The following STXBP5L variants were observed in gnomAD, a reference collection of about 807,000 sequenced individuals.
STXBP5L encodes syntaxin binding protein 5L.
In STXBP5L, 65 loss-of-function variants were observed where a neutral mutation model predicts 144.5. The observed-to-expected ratio is 0.45, with a 90% CI of 0.37 to 0.55. The LOEUF (loss-of-function observed/expected upper bound fraction) is 0.55. STXBP5L is among the 20% of genes least tolerant of loss of function. The pLI is 0.00. For synonymous variants in STXBP5L, 505 were observed against 469.6 expected, an observed-to-expected ratio of 1.08 and a Z score of -0.97; for missense variants, 1,298 against 1,405.5, an observed-to-expected ratio of 0.92 and a Z score of 1.22.
chr3:121,411,358 A>G (rs1344228891), intron 23 of STXBP5L, among the ~76,000 whole-genome samples: 2 of 152,072 alleles, frequency 1.3e-5, no homozygotes, highest in Non-Finnish European at 2.9e-5. Context: ...ATTTTTTTCA[A>G]GGTGCTGGTT....
chr3:121,022,831 C>T (rs1945660885), intron 3 of STXBP5L, among the ~76,000 whole-genome samples: 1 of 152,044 alleles, frequency 6.6e-6, no homozygotes, highest in Non-Finnish European at 1.5e-5. Context: ...AAGCATTCCC[C>T]CTGAGAACTG....
intron 3 of STXBP5L, among the ~76,000 whole-genome samples, chr3:121,033,893 T>A (rs371810838): frequency 6.6e-6 from 1 of 152,100 alleles, no homozygotes; most frequent in Non-Finnish European, 1.5e-5. Flanking sequence ...ATTACTGCTT[T>A]AAGAAATACT....
intron 20 of STXBP5L, among the ~76,000 whole-genome samples, chr3:121,358,491 G>A (rs1394378908): frequency 1.3e-5 from 2 of 152,132 alleles, no homozygotes; most frequent in Non-Finnish European, 2.9e-5. Flanking sequence ...AGGGGGCAGT[G>A]CTGCATGTTT....
intron 1 of STXBP5L, among the ~76,000 whole-genome samples, chr3:120,908,718 C>G (rs1049641166): frequency 6.6e-6 from 1 of 151,594 alleles, no homozygotes. Flanking sequence ...TCACGTCCCC[C>G]GAGAGCGGCT....
intron 19 of STXBP5L, among the ~76,000 whole-genome samples, chr3:121,286,767 A>G (rs2051246407): frequency 6.6e-6 from 1 of 152,050 alleles, no homozygotes; most frequent in Non-Finnish European, 1.5e-5. Context: ...CCCCACACCC[A>G]TTCCCCCAAA....
chr3:121,303,975 A>T (rs1264934124), intron 19 of STXBP5L, among the ~76,000 whole-genome samples: 2 of 151,996 alleles, frequency 1.3e-5, no homozygotes, highest in African/African-American at 2.4e-5. Context: ...ACATGTATAC[A>T]TATGTAACAA....
At chr3:121,100,392 C>G (rs572594117) in intron 5 of STXBP5L, among the ~76,000 whole-genome samples, 1 of 152,234 alleles carries the variant, frequency 6.6e-6, no homozygotes, top group South Asian at 2.1e-4. Flanking sequence ...GAAATCATAT[C>G]AAACATACTC....
At position 121,259,147 on chromosome 3, in the gene STXBP5L, C is replaced by G; in HGVS notation, c.1937C>G (p.Ala646Gly). 6.3e-7 allele frequency: 1 copy of G among 1,592,540 alleles called. No homozygotes were observed. Among genetic ancestry groups the G allele is most frequent in the East Asian group, 2.3e-5 (1 of 44,082 alleles). The change falls in exon 18 of 27, where the codon GCT becomes GGT. Residue 646 changes from alanine (A) to glycine (G), a missense_variant. Transcript: ENST00000471454. ...GEPPQQITSL[A>G]VSSAYGIVAF... ...CCTCCACAACAGATTACTAGTCTTGCTGTAAGCTCAGCATATGGAATGTAA... is the reference window on the plus strand; with the variant it reads ...CCTCCACAACAGATTACTAGTCTTGGTGTAAGCTCAGCATATGGAATGTAA...
intron 3 of STXBP5L, among the ~76,000 whole-genome samples, chr3:120,980,713 A>G (rs942798974): frequency 6.6e-6 from 1 of 152,154 alleles, no homozygotes; most frequent in African/African-American, 2.4e-5. Flanking sequence ...CAAGGTTAAT[A>G]TTCATATGTG....
intron 3 of STXBP5L, among the ~76,000 whole-genome samples, chr3:120,977,849 C>G (rs889305738): frequency 1.8e-4 from 28 of 152,314 alleles, no homozygotes; most frequent in Admixed American, 3.3e-4. Flanking sequence ...AAATTCTTTT[C>G]TTTAAGAATG....
chr3:121,408,683 G>A (rs1385689034), intron 23 of STXBP5L, among the ~76,000 whole-genome samples: 1 of 151,888 alleles, frequency 6.6e-6, no homozygotes, highest in African/African-American at 2.4e-5. Flanking sequence ...CAATTAATAG[G>A]AAATGGGGTT....
intron 3 of STXBP5L, among the ~76,000 whole-genome samples, chr3:120,962,936 C>T (rs891050839): frequency 9.2e-5 from 14 of 152,116 alleles, no homozygotes; most frequent in Admixed American, 7.9e-4. Flanking sequence ...TTGTTTGTGT[C>T]CTCTTTTATT....
intron 20 of STXBP5L, among the ~76,000 whole-genome samples, chr3:121,361,767 ATC>A (rs1237746677): frequency 1.3e-5 from 2 of 151,912 alleles, no homozygotes; most frequent in Admixed American, 6.6e-5. Flanking sequence ...AAGGTCACAT[ATC>A]TCTCTTTCTC....
At chr3:121,125,990 A>G (rs1370681013) in intron 7 of STXBP5L, among the ~76,000 whole-genome samples, 1 of 152,126 alleles carries the variant, frequency 6.6e-6, no homozygotes, top group African/African-American at 2.4e-5. Flanking sequence ...TTCTTGCAAG[A>G]CCATGCTACA....
Position 121,162,174 on chromosome 3 carries a change from T to G in STXBP5L, c.877+4547T>G, listed in dbSNP as rs557609954. 3.3e-5 allele frequency among the ~76,000 whole-genome samples: 5 copies of G among 152,200 alleles called. No homozygotes were observed. In the South Asian group the frequency reaches 6.2e-4, roughly 19 times the overall value. On this transcript the variant is annotated intron_variant, in intron 9 of 26. Coordinates refer to ENST00000471454, the MANE Select transcript of STXBP5L (RefSeq NM_001308330.2). Reference sequence around the variant, plus strand: ...TAATACAGAACATACAAGAGAAAACTTGAATAAATTAAAAACATATCATAT... The same window carrying G: ...TAATACAGAACATACAAGAGAAAACGTGAATAAATTAAAAACATATCATAT...
chr3:121,202,714 A>G (rs1293535818), intron 9 of STXBP5L, among the ~76,000 whole-genome samples: 1 of 152,064 alleles, frequency 6.6e-6, no homozygotes, highest in African/African-American at 2.4e-5. Flanking sequence ...ACTATTTTAA[A>G]TATGTCATAT....
intron 9 of STXBP5L, among the ~76,000 whole-genome samples, chr3:121,196,130 A>T: frequency 6.6e-6 from 1 of 150,454 alleles, no homozygotes; most frequent in African/African-American, 2.4e-5. Flanking sequence ...TCTATAGATC[A>T]GTTTGGATAG....
chr3:120,951,269 A>C (rs1379952907), intron 2 of STXBP5L, among the ~76,000 whole-genome samples: 2 of 152,172 alleles, frequency 1.3e-5, no homozygotes, highest in Non-Finnish European at 2.9e-5. Flanking sequence ...TAAAACACCA[A>C]AAGCAATGGC....
chr3:121,369,556 C>A (rs773196147), intron 20 of STXBP5L, among the ~76,000 whole-genome samples: 1 of 150,572 alleles, frequency 6.6e-6, no homozygotes. Context: ...GTGGTGGTGT[C>A]GTGGTTCTTT....
Sources: allele counts gnomAD v4.1 joint callset (sites outside exome capture counted in the v4.1 genomes callset), GRCh38; gene constraint gnomAD v4.1.1; transcripts MANE v1.5; gene names NCBI Gene and HGNC (gene_info 2026-07-23, HGNC 2026-07-21).